Variants in UBE2K observed in about 807,000 individuals in gnomAD.
UBE2K encodes ubiquitin-conjugating enzyme E2 K.
In UBE2K, 6 loss-of-function variants were observed where a neutral mutation model predicts 30.0. That is an observed-to-expected ratio of 0.20 (90% CI 0.11 to 0.39). UBE2K has a LOEUF of 0.39. Ranked by LOEUF, UBE2K falls within the 10% of genes least tolerant of loss-of-function variation. The probability of loss-of-function intolerance (pLI) is 1.00; values close to 1 mark genes in which losing one functional copy is unlikely to be tolerated. For missense variants in UBE2K, 61 were observed against 241.6 expected, an observed-to-expected ratio of 0.25 and a Z score of 4.96; for synonymous variants, 86 against 83.7, an observed-to-expected ratio of 1.03 and a Z score of -0.15.
intron 4 of UBE2K, chr4:39,771,452 C>G (rs1041025199): frequency 7.1e-5 from 112 of 1,569,496 alleles, no homozygotes; most frequent in Non-Finnish European, 9.1e-5. Context: ...CGGGGGTGGG[C>G]AACCCTGGCC....
chr4:39,744,855 C>A (rs1720899760), intron 2 of UBE2K, among the ~76,000 whole-genome samples: 1 of 148,666 alleles, frequency 6.7e-6, no homozygotes, highest in African/African-American at 2.5e-5. Flanking sequence ...TGAAGTGAGC[C>A]GAGATCACGC....
At chr4:39,761,511 A>G (rs73240685) in intron 4 of UBE2K, among the ~76,000 whole-genome samples, 15,859 of 152,250 alleles carry the variant, frequency 0.1, 1,092 homozygotes, top group East Asian at 0.22. Context: ...CACATTAACT[A>G]TGTCTTACTG....
At chr4:39,718,082 A>G (rs997505524) in intron 1 of UBE2K, among the ~76,000 whole-genome samples, 1 of 152,156 alleles carries the variant, frequency 6.6e-6, no homozygotes, top group African/African-American at 2.4e-5. Context: ...GTGGGTTGCC[A>G]CTGCTGGCTC....
chr4:39,743,164 G>GATAC, intron 2 of UBE2K, among the ~76,000 whole-genome samples: 1 of 152,322 alleles, frequency 6.6e-6, no homozygotes, highest in South Asian at 2.1e-4. Context: ...GGAGTGAGGA[G>GATAC]ATACATTTGA....
Position 39,781,946 on chromosome 4 carries a change from G to A in UBE2K, c.*3512G>A. 2.5e-6 allele frequency: 1 copy of A among 398,428 alleles called. No homozygotes were observed. Among genetic ancestry groups the A allele is most frequent in the Non-Finnish European group, 4.4e-6 (1 of 225,924 alleles). The allele number at this position is 398,428 out of a possible 1,614,324, so 24.7% of individuals were successfully genotyped here. A position where few individuals can be genotyped will look rare whatever the true frequency, so the allele number is the denominator to read the frequency against. ...ACTTGAAGTATTTACTGATAAAATA[G>A]CCTTTATTCCCAAGTGTGACTTTTC... On this transcript the variant is annotated 3_prime_UTR_variant, in exon 7 of 7. Transcript: ENST00000261427.
At chr4:39,745,485 T>G (rs546939092) in intron 2 of UBE2K, among the ~76,000 whole-genome samples, 2 of 152,334 alleles carry the variant, frequency 1.3e-5, no homozygotes, top group African/African-American at 4.8e-5. Flanking sequence ...ATGTTGGCAT[T>G]GCATTGTCTG....
At chr4:39,716,356 TC>T (rs1224061905) in intron 1 of UBE2K, among the ~76,000 whole-genome samples, 2 of 152,264 alleles carry the variant, frequency 1.3e-5, no homozygotes, top group Middle Eastern at 3.4e-3. Context: ...TAAGTGATCC[TC>T]CCACCACAGC....
At chr4:39,708,286 C>G (rs1054239305) in intron 1 of UBE2K, among the ~76,000 whole-genome samples, 9 of 152,084 alleles carry the variant, frequency 5.9e-5, no homozygotes, top group Admixed American at 4.6e-4. Flanking sequence ...ATTCAAGAAG[C>G]ACATTTGCAT....
Position 39,777,664 on chromosome 4 carries a change from AT to A in UBE2K, c.400-13del, listed in dbSNP as rs752943486. 5 of 1,529,284 alleles carry A rather than the reference AT, an allele frequency of 3.3e-6. 1 individual carries two copies. In the South Asian group the frequency reaches 4.0e-5, roughly 12 times the overall value. The allele number at this position is 1,529,284 out of a possible 1,614,324, so 94.7% of individuals were successfully genotyped here. A position where few individuals can be genotyped will look rare whatever the true frequency, so the allele number is the denominator to read the frequency against. On this transcript the variant is annotated splice_polypyrimidine_tract_variant and intron_variant, in intron 5 of 6. Transcript: ENST00000261427. ...TATAACTGTAATGTCATGTCAATCA[AT>A]TTTTCCCCCCATATAGTACAAACAA...
chr4:39,739,296 G>T (rs1469926069), intron 2 of UBE2K, among the ~76,000 whole-genome samples: 1 of 152,010 alleles, frequency 6.6e-6, no homozygotes, highest in Non-Finnish European at 1.5e-5. Flanking sequence ...CTCCCAAAGT[G>T]CTGGGGTTAC....
intron 3 of UBE2K, among the ~76,000 whole-genome samples, chr4:39,746,827 C>T (rs563081268): frequency 1.2e-4 from 19 of 152,312 alleles, no homozygotes; most frequent in Non-Finnish European, 2.4e-4. Flanking sequence ...AAATGTTTCT[C>T]CCTCTCCTCT....
At chr4:39,742,979 G>T (rs183383234) in intron 2 of UBE2K, among the ~76,000 whole-genome samples, 37 of 151,992 alleles carry the variant, frequency 2.4e-4, no homozygotes, top group African/African-American at 8.7e-4. Flanking sequence ...CTGAAAGGTG[G>T]AGGTTGCAGT....
chr4:39,739,790 A>G (rs1233837092), intron 2 of UBE2K, among the ~76,000 whole-genome samples: 1 of 152,168 alleles, frequency 6.6e-6, no homozygotes, highest in Admixed American at 6.5e-5. Context: ...CATCTTGCCA[A>G]GTTACCGAGG....
chr4:39,772,700 T>G (rs1712979033), intron 4 of UBE2K, among the ~76,000 whole-genome samples: 1 of 151,972 alleles, frequency 6.6e-6, no homozygotes, highest in Non-Finnish European at 1.5e-5. Context: ...ACTTTTTTTT[T>G]TTTTTGAGAT....
chr4:39,760,779 A>T (rs1271370250), intron 4 of UBE2K, among the ~76,000 whole-genome samples: 3 of 152,166 alleles, frequency 2.0e-5, no homozygotes, highest in Admixed American at 6.5e-5. Flanking sequence ...CTCAAAAAAT[A>T]AAAATTAAAA....
chr4:39,732,738 T>G (rs2109343122), intron 1 of UBE2K, among the ~76,000 whole-genome samples: 1 of 143,602 alleles, frequency 7.0e-6, no homozygotes, highest in South Asian at 2.2e-4. Flanking sequence ...TGCAGTGGTG[T>G]GATCTTGGTT....
chr4:39,711,596 T>G (rs1298827297), intron 1 of UBE2K, among the ~76,000 whole-genome samples: 1 of 152,098 alleles, frequency 6.6e-6, no homozygotes, highest in East Asian at 1.9e-4. Flanking sequence ...GATAAAAGGA[T>G]GTACTGGACA....
intron 3 of UBE2K, among the ~76,000 whole-genome samples, chr4:39,748,839 CAA>C (rs1472769791): frequency 6.6e-6 from 1 of 151,716 alleles, no homozygotes; most frequent in Non-Finnish European, 1.5e-5. Flanking sequence ...AAAGAACAAA[CAA>C]GAAAATGTTA....
At chr4:39,778,296 T>A (rs956007485) in intron 6 of UBE2K, 64 bp from the exon 7 acceptor site, 12 of 1,053,046 alleles carry the variant, frequency 1.1e-5, no homozygotes, top group Admixed American at 2.0e-5. Flanking sequence ...AAAGAGTGAA[T>A]GATTCAGTAT....
Sources: gnomAD v4.1 joint callset for allele counts (sites outside exome capture counted in the v4.1 genomes callset) on GRCh38, gnomAD v4.1.1 for gene constraint, MANE v1.5 for transcripts, NCBI Gene and HGNC (gene_info 2026-07-23, HGNC 2026-07-21) for gene names.